The following HERC5 variants were observed in gnomAD, a reference collection of about 807,000 sequenced individuals.
The protein encoded by HERC5 is HECT and RLD domain containing E3 ubiquitin protein ligase 5.
A neutral mutation model predicts 119.6 loss-of-function variants in HERC5; 99 were observed. The observed-to-expected ratio is 0.83, with a 90% CI of 0.70 to 0.98. The LOEUF is 0.98. HERC5 is among the 50% of genes least tolerant of loss of function. HERC5 has a pLI of 0.00. For synonymous variants in HERC5, 478 were observed against 445.9 expected (o/e 1.07, Z -0.91); for missense variants, 1,267 against 1,241.3 (o/e 1.02, Z -0.31).
At chr4:88,465,966 T>C (rs1306058926) in intron 6 of HERC5, among the ~76,000 whole-genome samples, 2 of 151,754 alleles carry the variant, frequency 1.3e-5, no homozygotes, top group Non-Finnish European at 2.9e-5. Context: ...AAGTTGAGAG[T>C]TGTTTTTGTT....
Position 88,463,598 on chromosome 4 carries a change from GCTCT to G in HERC5, c.757_760del (p.Ser253ThrfsTer31). 6.2e-7 allele frequency: 1 copy of G among 1,612,948 alleles called. No homozygotes were observed. The highest frequency in any genetic ancestry group is 8.5e-7 in the Non-Finnish European group (1 of 1,179,542). On this transcript the variant is annotated frameshift_variant, in exon 5 of 23. Coordinates refer to ENST00000264350, the MANE Select transcript of HERC5 (RefSeq NM_016323.4). LOFTEE classifies it high-confidence loss of function. ...AAAGTTGAATTTGTCGCTTGTGGTG[GCTCT>G]CACAGTGCCCTACTCACACAGGTGG...
At position 88,457,398 on chromosome 4, in the gene HERC5, C is replaced by T. The variant is rs1740191156; in HGVS notation, c.129C>T (p.His43=). ...LWLFPSAAGL[H]RALLRRVEVT... ...TCTTTCCCAGCGCCGCGGGCCTCCA[C>T]CGCGCGCTGCTCCGGAGGGTGGAGG... Residue 43 remains histidine (H), a synonymous_variant, in exon 1 of 23, where the codon CAC becomes CAT. Transcript: ENST00000264350. The T allele has an allele frequency of 7.1e-7, 1 of 1,399,298 alleles. No individual in the cohort carries two copies. Among genetic ancestry groups the T allele is most frequent in the South Asian group, 1.6e-5 (1 of 64,378 alleles). 86.7% of individuals were successfully genotyped at this position (1,399,298 alleles called of 1,614,324 possible). A position where few individuals can be genotyped will look rare whatever the true frequency, so the allele number is the denominator to read the frequency against.
chr4:88,484,060 C>G (rs1297333130), intron 13 of HERC5, among the ~76,000 whole-genome samples: 1 of 152,186 alleles, frequency 6.6e-6, no homozygotes, highest in Non-Finnish European at 1.5e-5. Context: ...TCAGCCCTAT[C>G]TTCCAGTTCA....
intron 18 of HERC5, among the ~76,000 whole-genome samples, chr4:88,495,827 A>C (rs756681304): frequency 6.6e-6 from 1 of 152,224 alleles, no homozygotes; most frequent in Non-Finnish European, 1.5e-5. Flanking sequence ...GGAAACATCG[A>C]AGATAACCTA....
intron 3 of HERC5, among the ~76,000 whole-genome samples, chr4:88,461,630 TA>T (rs1226312052): frequency 6.6e-6 from 1 of 152,228 alleles, no homozygotes; most frequent in East Asian, 1.9e-4. Context: ...ATGTGCTCCA[TA>T]TATTCAGTTA....
At position 88,462,200 on chromosome 4, in the gene HERC5, T is replaced by G. The variant is rs1740466875; in HGVS notation, c.532T>G (p.Ser178Ala). Residue 178 changes from serine (S) to alanine (A), a missense_variant, in exon 4 of 23, where the codon TCA (serine) becomes GCA (alanine). Coordinates refer to ENST00000264350, the MANE Select transcript of HERC5 (RefSeq NM_016323.4). Reference sequence around the variant, plus strand: ...GCTTGGAGTTGGAAGGAAATTTCCCTCAACCACCACACCACAGATTGTGGA... The same window carrying G: ...GCTTGGAGTTGGAAGGAAATTTCCCGCAACCACCACACCACAGATTGTGGA... ...GQLGVGRKFP[S>A]TTTPQIVEHL... is the part of the protein sequence containing the mutation. The G allele has an allele frequency of 1.2e-6, 2 of 1,614,148 alleles. No homozygotes were observed. Among genetic ancestry groups the G allele is most frequent in the Non-Finnish European group, 1.7e-6 (2 of 1,180,020 alleles).
In HERC5 at chr4:88,459,439, G is replaced by T; in HGVS notation, c.358G>T (p.Glu120Ter). The change falls in exon 2 of 23, where the codon GAG (glutamate) becomes TAG (stop). Residue 120 changes from glutamate (E) to a stop codon, truncating the protein, a stop_gained. Transcript: ENST00000264350. LOFTEE classifies it high-confidence loss of function. ...LILSSDGKPF[E>*]YDNYSMKHLR... is the part of the protein sequence containing the mutation. ...TCTCTCATCAGATGGAAAACCATTT[G>T]AGTATGACAACTATAGCATGAAACA... 6.3e-7 allele frequency: 1 copy of T among 1,587,022 alleles called. No individual in the cohort carries two copies. The highest frequency in any genetic ancestry group is 8.6e-7 in the Non-Finnish European group (1 of 1,167,644).
chr4:88,457,542 G>C lies in HERC5; in HGVS notation c.265+8G>C, dbSNP rs745965432. The stretch of plus-strand genomic sequence containing the variant: ...GCGGCGCCCGGACGCCGAGTGAGTG[G>C]GGCTGGTGTGTGAGGGCTGTGAGGG... On this transcript the variant is annotated splice_region_variant and intron_variant, in intron 1 of 22. Coordinates refer to ENST00000264350, the MANE Select transcript of HERC5 (RefSeq NM_016323.4). The C allele has an allele frequency of 2.0e-3, 2,575 of 1,265,360 alleles. 3 individuals carry two copies. Among genetic ancestry groups the C allele is most frequent in the Non-Finnish European group, 2.3e-3 (2,310 of 1,005,048 alleles). The allele number at this position is 1,265,360 out of a possible 1,614,324, so 78.4% of individuals were successfully genotyped here. A position where few individuals can be genotyped will look rare whatever the true frequency, so the allele number is the denominator to read the frequency against.
intron 12 of HERC5, among the ~76,000 whole-genome samples, chr4:88,476,596 T>C (rs928080781): frequency 1.3e-5 from 2 of 152,190 alleles, no homozygotes; most frequent in Non-Finnish European, 2.9e-5. Context: ...GACATGAGAT[T>C]TCACTCATAA....
At chr4:88,457,810 T>TA (rs1277196743) in intron 1 of HERC5, 9 of 758,000 alleles carry the variant, frequency 1.2e-5, no homozygotes, top group Non-Finnish European at 1.6e-5. Flanking sequence ...TTCATCCTTT[T>TA]AGCCAGTCTG....
chr4:88,494,428 C>A (rs1202339358), intron 18 of HERC5, 97 bp downstream of exon 18: 3 of 1,018,578 alleles, frequency 2.9e-6, no homozygotes, highest in African/African-American at 1.7e-5. Flanking sequence ...TGTTCAACAG[C>A]AGCATTTTAG....
At chr4:88,479,055 G>T (rs1741178226) in intron 12 of HERC5, among the ~76,000 whole-genome samples, 1 of 152,126 alleles carries the variant, frequency 6.6e-6, no homozygotes, top group African/African-American at 2.4e-5. Flanking sequence ...GGAGGCAAAG[G>T]TGGGCGGATC....
chr4:88,499,411 G>C (rs1322500013), intron 18 of HERC5, among the ~76,000 whole-genome samples: 1 of 152,178 alleles, frequency 6.6e-6, no homozygotes, highest in Non-Finnish European at 1.5e-5. Flanking sequence ...ATTTTGATGT[G>C]ACCTCTATTC....
rs777271920 is a variant in HERC5 at position 88,505,762 on chromosome 4, G to A, written c.2959G>A (p.Asp987Asn). 1 of 1,607,826 alleles carries A rather than the reference G, an allele frequency of 6.2e-7. No homozygotes were observed. Residue 987 changes from aspartate to asparagine, a missense_variant, in exon 23 of 23, where the codon GAC (aspartate) becomes AAC (asparagine). Asp to Asn is a conservative substitution (Grantham distance 23, BLOSUM62 1). This residue lies in a region of HERC5 where 473 missense variants were observed against 445.7 expected (regional missense o/e 1.06). Transcript: ENST00000264350. The part of the protein sequence containing the change: ...FCCPESWNER[D>N]PIRALTCFSV... ...CTGTCCTGAAAGTTGGAATGAAAGA[G>A]ACCCTATAAGAGCACTGACATGTTT...
chr4:88,489,237 G>A lies in HERC5; in HGVS notation c.2034G>A (p.Arg678=). The A allele has an allele frequency of 6.2e-7, 1 of 1,613,872 alleles. No individual in the cohort carries two copies. The highest frequency in any genetic ancestry group is 8.5e-7 in the Non-Finnish European group (1 of 1,179,848). The change falls in exon 16 of 23, where the codon AGG becomes AGA. Residue 678 remains arginine, a synonymous_variant. Transcript: ENST00000264350. Reference sequence around the variant, plus strand: ...AAAGAGAGTCTGAATTCGCTTTGAGGCCCACGTTTGATCTAACAGTCAGAA... The same window carrying A: ...AAAGAGAGTCTGAATTCGCTTTGAGACCCACGTTTGATCTAACAGTCAGAA... The part of the protein sequence containing the change: ...EEERESEFAL[R]PTFDLTVRRN...
chr4:88,495,362 A>G (rs1741767698), intron 18 of HERC5, among the ~76,000 whole-genome samples: 1 of 152,184 alleles, frequency 6.6e-6, no homozygotes, highest in African/African-American at 2.4e-5. Flanking sequence ...CTGCCTGACC[A>G]ACACGGCGAG....
intron 16 of HERC5, among the ~76,000 whole-genome samples, chr4:88,489,761 C>T (rs142382132): frequency 1.3e-3 from 193 of 152,250 alleles, no homozygotes; most frequent in African/African-American, 4.0e-3. Context: ...GTAATCCCGG[C>T]GCTTTGGGAT....
chr4:88,494,099 A>T, intron 17 of HERC5, 66 bp from the exon 18 acceptor site: 2 of 937,844 alleles, frequency 2.1e-6, no homozygotes, highest in Non-Finnish European at 3.1e-6. Flanking sequence ...AGATTTATTT[A>T]ATATAAATAT....
At position 88,488,682 on chromosome 4, in the gene HERC5, G is replaced by GT. The variant is rs1294027000; in HGVS notation, c.1963-474dup. Among the ~76,000 whole-genome samples the GT allele has an allele frequency of 3.7e-3, 556 of 148,662 alleles. 1 individual carries two copies. Among genetic ancestry groups the GT allele is most frequent in the African/African-American group, 0.012 (476 of 40,484 alleles). The stretch of plus-strand genomic sequence containing the variant: ...TTCTCCCTTAAAATCTCTTGTCTTG[G>GT]TTTTTTTTTTCCTGGAGTAGGCTCT... On this transcript the variant is annotated intron_variant, in intron 15 of 22. Transcript: ENST00000264350.
Sources: gnomAD v4.1 joint callset for allele counts (sites outside exome capture counted in the v4.1 genomes callset) on GRCh38, gnomAD v4.1.1 for gene constraint, gnomAD v4.1.1 regional missense constraint, MANE v1.5 for transcripts, NCBI Gene and HGNC (gene_info 2026-07-23, HGNC 2026-07-21) for gene names.